CSMD2: variants seen among roughly 807,000 people sequenced by gnomAD.
The protein encoded by CSMD2 is CUB and Sushi multiple domains 2, also known as CUB and sushi domain-containing protein 2.
CSMD2 carries 130 observed loss-of-function variants against 398.5 expected under a neutral mutation model. That is an observed-to-expected ratio of 0.33 (90% CI 0.28 to 0.38). The LOEUF (loss-of-function observed/expected upper bound fraction) is 0.38, where lower values mean the gene tolerates loss of function less well. Ranked by LOEUF, CSMD2 falls within the 10% of genes least tolerant of loss-of-function variation. The pLI is 1.00. For synonymous variants in CSMD2, 1,828 were observed against 1,908.5 expected (o/e 0.96, Z 1.10); for missense variants, 3,829 against 4,764.9 (o/e 0.80, Z 5.78).
intron 53 of CSMD2, among the ~76,000 whole-genome samples, chr1:33,562,116 A>G (rs1658617953): frequency 6.6e-6 from 1 of 151,506 alleles, no homozygotes; most frequent in Non-Finnish European, 1.5e-5. Flanking sequence ...AGCCTCAAGA[A>G]TTGTCAGATA....
At chr1:33,569,048 C>G (rs1009075235) in intron 52 of CSMD2, among the ~76,000 whole-genome samples, 1 of 152,170 alleles carries the variant, frequency 6.6e-6, no homozygotes, top group Non-Finnish European at 1.5e-5. Context: ...TACAGGAATG[C>G]GTCTGCAAAT....
At chr1:33,992,607 G>A (rs985592087) in intron 3 of CSMD2, among the ~76,000 whole-genome samples, 7 of 151,396 alleles carry the variant, frequency 4.6e-5, no homozygotes, top group Admixed American at 3.3e-4. Context: ...GGTGGCTCAC[G>A]CCTGTAATCC....
At chr1:33,620,793 A>G (rs940977383) in intron 37 of CSMD2, among the ~76,000 whole-genome samples, 1 of 142,996 alleles carries the variant, frequency 7.0e-6, no homozygotes, top group Non-Finnish European at 1.5e-5. Flanking sequence ...GTCTGCTTCT[A>G]GCTGTCCTGG....
intron 3 of CSMD2, among the ~76,000 whole-genome samples, chr1:33,952,058 T>C (rs548084330): frequency 1.3e-5 from 2 of 152,252 alleles, no homozygotes; most frequent in South Asian, 4.2e-4. Flanking sequence ...CCATGGACAC[T>C]CAGCATGGTG....
At chr1:34,113,016 C>G (rs1334415428) in intron 1 of CSMD2, 1 of 152,202 alleles carries the variant, frequency 6.6e-6, no homozygotes, top group Non-Finnish European at 1.5e-5. Context: ...AGGTTCAGGC[C>G]TTGTTAGTAC....
Position 33,739,160 on chromosome 1 carries a change from C to T in CSMD2, c.2348G>A (p.Ser783Asn). ...CGTACCTTCACACCGCAGCACAGCG[C>T]TGTTCCAGACCACGCTGCCCTCCTT... ...VLKEGSVVWN[S>N]AVLRCEAPCG... Residue 783 changes from serine to asparagine, a missense_variant, in exon 15 of 71, where the codon AGC becomes AAC. Ser to Asn is a conservative substitution (Grantham distance 46). Coordinates refer to ENST00000373381, the MANE Select transcript of CSMD2 (RefSeq NM_001281956.2). The T allele has an allele frequency of 6.2e-6, 10 of 1,613,880 alleles. No individual in the cohort carries two copies. Among genetic ancestry groups the T allele is most frequent in the Non-Finnish European group, 8.5e-6 (10 of 1,179,904 alleles).
At chr1:33,891,787 A>T (rs1642033362) in intron 5 of CSMD2, among the ~76,000 whole-genome samples, 1 of 151,276 alleles carries the variant, frequency 6.6e-6, no homozygotes, top group South Asian at 2.1e-4. Flanking sequence ...TTCCCAGTAA[A>T]CTATCGCAAG....
rs772520303 is a variant in CSMD2 at position 34,150,079 on chromosome 1, C to CTTTT, written c.187+14828_187+14831dup. Among the ~76,000 whole-genome samples, 399 of 138,076 alleles carry CTTTT rather than the reference C, an allele frequency of 2.9e-3. 5 individuals are homozygous for CTTTT. The highest frequency in any genetic ancestry group is 0.01 in the African/African-American group (376 of 36,874). 90.6% of individuals were successfully genotyped at this position (138,076 alleles called of 152,430 possible). A position where few individuals can be genotyped will look rare whatever the true frequency, so the allele number is the denominator to read the frequency against. ...CTGGAAATCTACATTTTTCTTCTTT[C>CTTTT]TTTTTTTTTTGTTTTTTTTTGAGAC... On this transcript the variant is annotated intron_variant, in intron 1 of 70. Coordinates refer to ENST00000373381, the MANE Select transcript of CSMD2 (RefSeq NM_001281956.2).
chr1:33,666,715 G>A (rs942186488), intron 25 of CSMD2, among the ~76,000 whole-genome samples: 2 of 152,104 alleles, frequency 1.3e-5, no homozygotes, highest in Non-Finnish European at 2.9e-5. Flanking sequence ...TTTGAAAAGA[G>A]GAGAAGGAGA....
intron 13 of CSMD2, among the ~76,000 whole-genome samples, chr1:33,749,394 C>T (rs1054536948): frequency 2.6e-5 from 4 of 152,120 alleles, no homozygotes; most frequent in African/African-American, 7.2e-5. Context: ...CCACTGCGCC[C>T]AGCCAATACA....
intron 22 of CSMD2, among the ~76,000 whole-genome samples, chr1:33,704,473 C>T (rs1413914638): frequency 6.6e-6 from 1 of 152,044 alleles, no homozygotes; most frequent in Admixed American, 6.6e-5. Context: ...ATATTTTTAT[C>T]AAGTTAGGAA....
In CSMD2 at chr1:33,635,656, C is replaced by T. The variant is rs538353942; in HGVS notation, c.4970-326G>A. Among the ~76,000 whole-genome samples, 3 of 152,300 alleles carry T rather than the reference C, an allele frequency of 2.0e-5. No individual in the cohort carries two copies. Among genetic ancestry groups the T allele is most frequent in the South Asian group, 4.1e-4 (2 of 4,830 alleles). Reference sequence around the variant, plus strand: ...ACATTAGGAACCTCTTCTGCTTACACGTGGAGCCTAGAAATGATCTGCTGC... The same window carrying T: ...ACATTAGGAACCTCTTCTGCTTACATGTGGAGCCTAGAAATGATCTGCTGC... On this transcript the variant is annotated intron_variant, in intron 30 of 70. Transcript: ENST00000373381. This position sits in a 1 kb window ranked among gnomAD's most constrained non-coding sequence, Gnocchi z 5.0.
At chr1:33,639,357 G>C (rs868266450) in intron 29 of CSMD2, among the ~76,000 whole-genome samples, 2 of 152,182 alleles carry the variant, frequency 1.3e-5, no homozygotes, top group Non-Finnish European at 2.9e-5. Flanking sequence ...ACCCTAGCTG[G>C]GAATGACTGG....
intron 10 of CSMD2, among the ~76,000 whole-genome samples, chr1:33,798,012 A>C (rs1023685689): frequency 2.0e-5 from 3 of 152,204 alleles, no homozygotes; most frequent in Non-Finnish European, 4.4e-5. Context: ...TTACACAAGA[A>C]GACTGTTCAA....
At chr1:34,097,981 T>A (rs80165162) in intron 1 of CSMD2, among the ~76,000 whole-genome samples, 2 of 129,044 alleles carry the variant, frequency 1.5e-5, no homozygotes, top group Non-Finnish European at 3.2e-5. Context: ...TATTGTGGCA[T>A]TATTCACAAT....
intron 25 of CSMD2, among the ~76,000 whole-genome samples, chr1:33,681,739 G>A (rs1644914000): frequency 6.6e-6 from 1 of 152,314 alleles, no homozygotes; most frequent in Non-Finnish European, 1.5e-5. Context: ...GCCGAGGCAG[G>A]TAGATCACCT....
At chr1:33,663,184 C>T in intron 25 of CSMD2, 92 bp from the exon 26 acceptor site, 1 of 1,059,172 alleles carries the variant, frequency 9.4e-7, no homozygotes, top group Non-Finnish European at 1.4e-6. Context: ...GAAGACTGGC[C>T]CTAAACCTAC....
At chr1:33,649,839 G>A (rs1643658664) in intron 28 of CSMD2, among the ~76,000 whole-genome samples, 1 of 152,148 alleles carries the variant, frequency 6.6e-6, no homozygotes, top group South Asian at 2.1e-4. Flanking sequence ...AGCAGGGGGA[G>A]GAGGTCATAC....
chr1:34,051,319 G>T lies in CSMD2; in HGVS notation c.405-18613C>A, dbSNP rs143037231. The stretch of plus-strand genomic sequence containing the variant: ...CTGAAGACAAAGGGAATACAGAATG[G>T]GTAGTGAAAGAGTTAGTTATAAATA... On this transcript the variant is annotated intron_variant, in intron 2 of 70. Coordinates refer to ENST00000373381, the MANE Select transcript of CSMD2 (RefSeq NM_001281956.2). 1.2e-4 allele frequency among the ~76,000 whole-genome samples: 18 copies of T among 152,230 alleles called. No individual in the cohort carries two copies. In the East Asian group the frequency reaches 3.1e-3, roughly 26 times the overall value.
Sources: allele counts gnomAD v4.1 joint callset (sites outside exome capture counted in the v4.1 genomes callset), GRCh38; gene constraint gnomAD v4.1.1; non-coding constraint Gnocchi (gnomAD v3.1); transcripts MANE v1.5; gene names NCBI Gene and HGNC (gene_info 2026-07-23, HGNC 2026-07-21).